The following PDE4A variants were observed in gnomAD, a reference collection of about 807,000 sequenced individuals.
PDE4A encodes phosphodiesterase 4A.
In PDE4A, 21 loss-of-function variants were observed where a neutral mutation model predicts 73.9. That is an observed-to-expected ratio of 0.28 (90% CI 0.20 to 0.41). PDE4A has a LOEUF of 0.41. Ranked by LOEUF, PDE4A falls within the 10% of genes least tolerant of loss-of-function variation. The probability of loss-of-function intolerance (pLI) is 1.00; values close to 1 mark genes in which losing one functional copy is unlikely to be tolerated. For missense variants in PDE4A, 958 were observed against 1,211.4 expected, an observed-to-expected ratio of 0.79 and a Z score of 3.10; for synonymous variants, 463 against 505.4, an observed-to-expected ratio of 0.92 and a Z score of 1.13.
chr19:10,418,377 GTAC>G (rs919211579), upstream of PDE4A, among the ~76,000 whole-genome samples: 1 of 152,176 alleles, frequency 6.6e-6, no homozygotes, highest in Non-Finnish European at 1.5e-5. Flanking sequence ...GTTTCCCAGA[GTAC>G]TCAACCCCCC....
chr19:10,461,731 G>A (rs781036142), intron 12 of PDE4A, 51 bp downstream of exon 12: 26 of 1,603,892 alleles, frequency 1.6e-5, no homozygotes, highest in Non-Finnish European at 2.2e-5. Flanking sequence ...TAGGAGTCGA[G>A]GGCTTTGGGG....
At position 10,467,010 on chromosome 19, in the gene PDE4A, C is replaced by G. The variant is rs199552753; in HGVS notation, c.2050C>G (p.Arg684Gly). Residue 684 changes from arginine (R) to glycine (G), a missense_variant, in exon 15 of 15, where the codon CGG becomes GGG. Coordinates refer to ENST00000380702, the MANE Select transcript of PDE4A (RefSeq NM_001111307.2). Reference sequence around the variant, plus strand: ...CCGGGACTGGTACTACAGCGCCATCCGGCAGAGCCCATCTCCGCCACCCGA... The same window carrying G: ...CCGGGACTGGTACTACAGCGCCATCGGGCAGAGCCCATCTCCGCCACCCGA... ...DNRDWYYSAI[R>G]QSPSPPPEEE... The G allele has an allele frequency of 6.2e-7, 1 of 1,614,018 alleles. No individual in the cohort carries two copies. The highest frequency in any genetic ancestry group is 1.3e-5 in the African/African-American group (1 of 74,922).
In PDE4A at chr19:10,469,379, C is replaced by G. The variant is rs139234103; in HGVS notation, c.*1758C>G. On this transcript the variant is annotated 3_prime_UTR_variant, in exon 15 of 15. Transcript: ENST00000380702. Reference sequence around the variant, plus strand: ...AGTCCTGGGAAAAGGGTGGACTCACCGCTGTTGTTTTATGGGAAGTCGTGT... The same window carrying G: ...AGTCCTGGGAAAAGGGTGGACTCACGGCTGTTGTTTTATGGGAAGTCGTGT... The G allele has an allele frequency of 1.3e-5, 2 of 152,260 alleles. No individual in the cohort carries two copies. Among genetic ancestry groups the G allele is most frequent in the African/African-American group, 4.8e-5 (2 of 41,410 alleles). The allele number at this position is 152,260 out of a possible 1,614,324, so 9.4% of individuals were successfully genotyped here.
chr19:10,417,777 G>A, upstream of PDE4A: 1 of 1,564,956 alleles, frequency 6.4e-7, no homozygotes, highest in African/African-American at 1.4e-5. Context: ...TGAGCCCTCG[G>A]ACCCTGGGGT....
intron 1 of PDE4A, chr19:10,431,079 G>A (rs200990276): frequency 2.3e-5 from 35 of 1,553,282 alleles, no homozygotes; most frequent in Middle Eastern, 1.7e-4. Context: ...GGCTTGGGCT[G>A]GGGCTGGGTA....
intron 6 of PDE4A, among the ~76,000 whole-genome samples, chr19:10,452,320 C>T (rs905186323): frequency 6.6e-6 from 1 of 151,788 alleles, no homozygotes; most frequent in Non-Finnish European, 1.5e-5. Flanking sequence ...GCCTGTAATC[C>T]CAACTACTCT....
chr19:10,416,924 G>A (rs1334686387), upstream of PDE4A: 4 of 1,539,496 alleles, frequency 2.6e-6, no homozygotes, highest in Admixed American at 5.8e-5. Flanking sequence ...CAGTCCCAAC[G>A]GCGCGCTAGG....
At chr19:10,441,228 T>TTTTGTTTC (rs1019472144) in intron 1 of PDE4A, among the ~76,000 whole-genome samples, 1 of 152,096 alleles carries the variant, frequency 6.6e-6, no homozygotes, top group Non-Finnish European at 1.5e-5. Context: ...TTTTTGTGTT[T>TTTTGTTTC]TTTGTTTCTT....
chr19:10,450,576 T>C (rs745358475), intron 4 of PDE4A, 27 bp from the exon 5 acceptor site: 2 of 1,586,610 alleles, frequency 1.3e-6, no homozygotes, highest in Non-Finnish European at 1.7e-6. Context: ...AGGCTGACAT[T>C]GCAGCCCCAT....
intron 1 of PDE4A, chr19:10,427,981 G>T: frequency 2.0e-5 from 4 of 204,968 alleles, no homozygotes; most frequent in Non-Finnish European, 3.1e-5. Flanking sequence ...GGGTGACAGA[G>T]TGAGACCCTG....
intron 1 of PDE4A, among the ~76,000 whole-genome samples, chr19:10,441,228 TTTTGTTTC>T (rs1019472144): frequency 2.6e-5 from 4 of 152,094 alleles, no homozygotes; most frequent in Admixed American, 2.0e-4. Context: ...TTTTTGTGTT[TTTTGTTTC>T]TTTGTTTCTT....
chr19:10,431,327 CT>C lies in PDE4A; in HGVS notation c.320+10246del, dbSNP rs1327177491. Reference sequence around the variant, plus strand: ...GTGCAAACCTGAAGCTGCGGTCACGCTTTGGAGGAGTGAGGGCGACCTGCCA... The same window carrying C: ...GTGCAAACCTGAAGCTGCGGTCACGCTTGGAGGAGTGAGGGCGACCTGCCA... On this transcript the variant is annotated intron_variant, in intron 1 of 14. Transcript: ENST00000380702. 2.0e-5 allele frequency among the ~76,000 whole-genome samples: 3 copies of C among 152,312 alleles called. No individual in the cohort carries two copies. In the East Asian group the frequency reaches 5.8e-4, roughly 29 times the overall value.
In PDE4A at chr19:10,467,654, C is replaced by A; in HGVS notation, c.*33C>A. 6.8e-7 allele frequency: 1 copy of A among 1,471,248 alleles called. No homozygotes were observed. Among genetic ancestry groups the A allele is most frequent in the Non-Finnish European group, 9.2e-7 (1 of 1,092,042 alleles). The allele number at this position is 1,471,248 out of a possible 1,614,324, so 91.1% of individuals were successfully genotyped here. A position where few individuals can be genotyped will look rare whatever the true frequency, so the allele number is the denominator to read the frequency against. Reference sequence around the variant, plus strand: ...ACCTCTGTCCCTGTTCCCCTCCACTCCTCCCCTCACTCCCCTGCTCCCCCG... The same window carrying A: ...ACCTCTGTCCCTGTTCCCCTCCACTACTCCCCTCACTCCCCTGCTCCCCCG... On this transcript the variant is annotated 3_prime_UTR_variant, in exon 15 of 15. Coordinates refer to ENST00000380702, the MANE Select transcript of PDE4A (RefSeq NM_001111307.2).
rs749126870 is a variant in PDE4A at position 10,465,683 on chromosome 19, C to CTTTTTTT, written c.1927-1176_1927-1170dup. 6.2e-3 allele frequency among the ~76,000 whole-genome samples: 299 copies of CTTTTTTT among 48,390 alleles called. 49 individuals carry two copies. The highest frequency in any genetic ancestry group is 0.019 in the Middle Eastern group (1 of 52). 31.7% of individuals were successfully genotyped at this position (48,390 alleles called of 152,430 possible). On this transcript the variant is annotated intron_variant, in intron 14 of 14. Transcript: ENST00000380702. ...TCATAGCAATAGTTTGTGGCTTTAG[C>CTTTTTTT]TTTTTTTTTTTTTTTTTTTTTTTTT...
At chr19:10,445,003 G>C (rs888305948) in intron 1 of PDE4A, among the ~76,000 whole-genome samples, 12 of 152,158 alleles carry the variant, frequency 7.9e-5, no homozygotes, top group Non-Finnish European at 4.4e-5. Flanking sequence ...GAACAGTGAG[G>C]AGGCCATTGT....
intron 1 of PDE4A, among the ~76,000 whole-genome samples, chr19:10,426,918 T>C (rs1411440922): frequency 6.7e-6 from 1 of 148,922 alleles, no homozygotes; most frequent in Non-Finnish European, 1.5e-5. Context: ...TTCAAGATGG[T>C]CACACATAGG....
In PDE4A at chr19:10,463,822, C is replaced by T. The variant is rs147031564; in HGVS notation, c.1773C>T (p.Asp591=). ...QVLRNMVHCA[D]LSNPTKPLEL... is the part of the protein sequence containing the mutation. Reference sequence around the variant, plus strand: ...TCCGGAACATGGTGCACTGTGCCGACCTCAGCAACCCCACCAAGCCGCTGG... The same window carrying T: ...TCCGGAACATGGTGCACTGTGCCGATCTCAGCAACCCCACCAAGCCGCTGG... Residue 591 remains aspartate, a synonymous_variant, in exon 14 of 15, where the codon GAC becomes GAT. Coordinates refer to ENST00000380702, the MANE Select transcript of PDE4A (RefSeq NM_001111307.2). The T allele has an allele frequency of 4.3e-4, 701 of 1,614,194 alleles. 5 individuals carry two copies. In the South Asian group the frequency reaches 6.3e-3, roughly 15 times the overall value.
chr19:10,454,343 G>A (rs1411494179), intron 6 of PDE4A, among the ~76,000 whole-genome samples: 2 of 152,224 alleles, frequency 1.3e-5, no homozygotes, highest in Non-Finnish European at 1.5e-5. Context: ...CAGGATTGGG[G>A]TCCATGTCTG....
intron 4 of PDE4A, among the ~76,000 whole-genome samples, chr19:10,450,366 G>A (rs986987261): frequency 2.6e-5 from 4 of 152,150 alleles, no homozygotes; most frequent in African/African-American, 9.7e-5. Context: ...ACCTTAAGGC[G>A]GATCAGCCAT....
Sources: gnomAD v4.1 joint callset for allele counts (sites outside exome capture counted in the v4.1 genomes callset) on GRCh38, gnomAD v4.1.1 for gene constraint, MANE v1.5 for transcripts, NCBI Gene and HGNC (gene_info 2026-07-23, HGNC 2026-07-21) for gene names.